RIMS2: variants seen among roughly 807,000 people sequenced by gnomAD.
RIMS2 encodes the protein regulating synaptic membrane exocytosis protein 2.
In RIMS2, 59 loss-of-function variants were observed where a neutral mutation model predicts 174.4. The observed-to-expected ratio is 0.34, with a 90% CI of 0.27 to 0.42. The LOEUF (loss-of-function observed/expected upper bound fraction) is 0.42. RIMS2 is among the 10% of genes least tolerant of loss of function. The probability of loss-of-function intolerance (pLI) is 1.00; values close to 1 mark genes in which losing one functional copy is unlikely to be tolerated. For synonymous variants in RIMS2, 606 were observed against 572.5 expected (o/e 1.06, Z -0.84); for missense variants, 1,620 against 1,666.3 (o/e 0.97, Z 0.48).
At chr8:103,969,865 C>T (rs13262019) in intron 15 of RIMS2, among the ~76,000 whole-genome samples, 29,949 of 152,160 alleles carry the variant, frequency 0.2, 3,597 homozygotes, top group Middle Eastern at 0.36. Context: ...CCCCCAGCTT[C>T]AGCCTCCTTA....
intron 1 of RIMS2, among the ~76,000 whole-genome samples, chr8:103,565,988 C>G (rs979942481): frequency 9.9e-5 from 15 of 152,244 alleles, no homozygotes; most frequent in African/African-American, 3.6e-4. Context: ...AATTAAGAGG[C>G]AGAATGATCA....
intron 1 of RIMS2, among the ~76,000 whole-genome samples, chr8:103,601,362 C>T (rs578119341): frequency 2.6e-5 from 4 of 152,128 alleles, no homozygotes; most frequent in East Asian, 3.9e-4. Context: ...GTGTTGGTTG[C>T]GTATATATTT....
chr8:103,915,619 A>G, intron 7 of RIMS2, 25 bp downstream of exon 10: 1 of 1,225,858 alleles, frequency 8.2e-7, no homozygotes, highest in Non-Finnish European at 1.2e-6. Context: ...TTGATTATTT[A>G]CATTTAAACC....
intron 2 of RIMS2, among the ~76,000 whole-genome samples, chr8:103,699,603 TTCTTG>T (rs1489012283): frequency 1.3e-5 from 2 of 152,118 alleles, no homozygotes; most frequent in Non-Finnish European, 2.9e-5. Context: ...TTCGTTTCTT[TTCTTG>T]TCTTTTCTTT....
intron 1 of RIMS2, among the ~76,000 whole-genome samples, chr8:103,689,252 A>G (rs1236149021): frequency 6.6e-6 from 1 of 152,022 alleles, no homozygotes; most frequent in African/African-American, 2.4e-5. Flanking sequence ...TTTAATTTTT[A>G]AAGACTTGTT....
intron 2 of RIMS2, among the ~76,000 whole-genome samples, chr8:103,702,645 A>G (rs896090436): frequency 4.6e-5 from 7 of 152,094 alleles, no homozygotes; most frequent in African/African-American, 1.7e-4. Context: ...TTTTCTCAGA[A>G]CCATTTGTTT....
chr8:103,946,030 G>GA (rs2083660131), intron 14 of RIMS2, among the ~76,000 whole-genome samples: 1 of 152,156 alleles, frequency 6.6e-6, no homozygotes, highest in South Asian at 2.1e-4. Flanking sequence ...TGGTGAGGGA[G>GA]AAGAGAGAGA....
At chr8:103,875,375 T>C (rs1317125438) in intron 3 of RIMS2, among the ~76,000 whole-genome samples, 2 of 152,046 alleles carry the variant, frequency 1.3e-5, no homozygotes, top group Non-Finnish European at 2.9e-5. Flanking sequence ...TGGTTTTCCA[T>C]TCCTGAGTTA....
intron 1 of RIMS2, among the ~76,000 whole-genome samples, chr8:103,680,416 T>C (rs928636107): frequency 6.6e-6 from 1 of 151,950 alleles, no homozygotes; most frequent in Non-Finnish European, 1.5e-5. Flanking sequence ...ACTGGTAAAA[T>C]TATAAAGCTA....
chr8:103,715,623 T>G (rs1245818865), intron 2 of RIMS2, among the ~76,000 whole-genome samples: 1 of 152,138 alleles, frequency 6.6e-6, no homozygotes, highest in Non-Finnish European at 1.5e-5. Context: ...ATGAAAGGAG[T>G]TTACTTTGTA....
intron 2 of RIMS2, among the ~76,000 whole-genome samples, chr8:103,740,704 A>G (rs2097753639): frequency 6.6e-6 from 1 of 152,180 alleles, no homozygotes; most frequent in African/African-American, 2.4e-5. Flanking sequence ...TGCAAAGGGT[A>G]CAAATTCTAG....
At chr8:103,620,753 A>G (rs1464319886) in intron 1 of RIMS2, among the ~76,000 whole-genome samples, 32 of 152,210 alleles carry the variant, frequency 2.1e-4, no homozygotes, top group Admixed American at 2.1e-3. Flanking sequence ...AAGGATATTA[A>G]GTGGATTAAA....
chr8:103,608,601 C>A (rs1441562917), intron 1 of RIMS2, among the ~76,000 whole-genome samples: 1 of 150,156 alleles, frequency 6.7e-6, no homozygotes, highest in African/African-American at 2.5e-5. Flanking sequence ...TCGCTGCCGC[C>A]TTGCAGTTTG....
intron 2 of RIMS2, among the ~76,000 whole-genome samples, chr8:103,730,617 C>T (rs1271625824): frequency 6.6e-6 from 1 of 152,164 alleles, no homozygotes; most frequent in Non-Finnish European, 1.5e-5. Context: ...GCATACCTTA[C>T]ACGTCACAAT....
intron 19 of RIMS2, among the ~76,000 whole-genome samples, chr8:104,016,624 GT>G (rs1330177714): frequency 6.6e-6 from 1 of 151,992 alleles, no homozygotes; most frequent in African/African-American, 2.4e-5. Context: ...CCTAAGGAAA[GT>G]TTAGTAATAT....
chr8:103,904,902 A>G (rs528041825), intron 4 of RIMS2, among the ~76,000 whole-genome samples: 20 of 151,234 alleles, frequency 1.3e-4, no homozygotes, highest in African/African-American at 4.6e-4. Flanking sequence ...GTTTAAGTGT[A>G]TTTCTTTTTG....
intron 1 of RIMS2, among the ~76,000 whole-genome samples, chr8:103,556,314 C>T (rs982461661): frequency 6.6e-6 from 1 of 152,080 alleles, no homozygotes; most frequent in Non-Finnish European, 1.5e-5. Context: ...ATTTATACTA[C>T]TTGTCAATTA....
At chr8:103,787,830 C>T (rs374995686) in intron 3 of RIMS2, among the ~76,000 whole-genome samples, 33 of 152,160 alleles carry the variant, frequency 2.2e-4, no homozygotes, top group Admixed American at 6.5e-4. Flanking sequence ...CTTGCTAGAT[C>T]GGGGAAGTTC....
At chr8:103,536,811 A>G (rs1252341531) in intron 1 of RIMS2, among the ~76,000 whole-genome samples, 1 of 152,168 alleles carries the variant, frequency 6.6e-6, no homozygotes, top group Non-Finnish European at 1.5e-5. Context: ...GGGGATCACA[A>G]TTCGATGTGA....
Sources: allele counts gnomAD v4.1 joint callset (sites outside exome capture counted in the v4.1 genomes callset), GRCh38; gene constraint gnomAD v4.1.1; transcripts MANE v1.5; gene names NCBI Gene and HGNC (gene_info 2026-07-23, HGNC 2026-07-21).